AGAP1: variants seen among roughly 807,000 people sequenced by gnomAD.
AGAP1 encodes the protein arf-GAP with GTPase, ANK repeat and PH domain-containing protein 1.
Under a neutral mutation model 105.3 loss-of-function variants are expected in AGAP1, and 29 were observed. The observed-to-expected ratio is 0.28, with a 90% CI of 0.21 to 0.38. The LOEUF is 0.38. AGAP1 is among the 10% of genes least tolerant of loss of function. The pLI is 1.00. For synonymous variants in AGAP1, 509 were observed against 485.9 expected (o/e 1.05, Z -0.63); for missense variants, 998 against 1,165.1 (o/e 0.86, Z 2.09).
At chr2:235,821,979 C>A (rs886944841) in intron 9 of AGAP1, among the ~76,000 whole-genome samples, 13 of 152,234 alleles carry the variant, frequency 8.5e-5, no homozygotes, top group Admixed American at 5.9e-4. Flanking sequence ...ACCACAGAAG[C>A]CTTGCACCCT....
intron 3 of AGAP1, among the ~76,000 whole-genome samples, chr2:235,726,209 C>T (rs1951636635): frequency 6.6e-6 from 1 of 152,162 alleles, no homozygotes; most frequent in South Asian, 2.1e-4. Context: ...TCTGGGAGCG[C>T]CCTAAAGAGG....
Position 235,929,946 on chromosome 2 carries a change from T to A in AGAP1, c.1325-819T>A, listed in dbSNP as rs980108644. ...AAAACAATTGGAAGAAAATTTTTTT[T>A]AAAAAAGCCCCAGTACCTCCGAAGA... On this transcript the variant is annotated intron_variant, in intron 11 of 17. Transcript: ENST00000304032. Among the ~76,000 whole-genome samples, 16 of 152,270 alleles carry A rather than the reference T, an allele frequency of 1.1e-4. 1 individual carries two copies. Among genetic ancestry groups the A allele is most frequent in the Admixed American group, 3.3e-4 (5 of 15,306 alleles).
At chr2:235,868,932 C>A (rs1271570472) in intron 9 of AGAP1, among the ~76,000 whole-genome samples, 1 of 152,160 alleles carries the variant, frequency 6.6e-6, no homozygotes, top group African/African-American at 2.4e-5. Context: ...GAAAAGGTTC[C>A]TTGGGCTTAA....
Position 235,794,220 on chromosome 2 carries a change from T to C in AGAP1, c.674-3539T>C, listed in dbSNP as rs149850739. On this transcript the variant is annotated intron_variant, in intron 6 of 17. Coordinates refer to ENST00000304032, the MANE Select transcript of AGAP1 (RefSeq NM_001037131.3). The stretch of plus-strand genomic sequence containing the variant: ...GTTGAAGGGGCTAGTTAGAGGTATC[T>C]TTTATCTGTTAACCCAAATAAAATT... Among the ~76,000 whole-genome samples the C allele has an allele frequency of 6.2e-3, 946 of 152,300 alleles. 10 individuals are homozygous for C. The highest frequency in any genetic ancestry group is 0.021 in the African/African-American group (888 of 41,568).
rs533686156 is a variant in AGAP1, at chr2:235,611,602, A to G, written c.164-97577A>G. On this transcript the variant is annotated intron_variant, in intron 1 of 17. Coordinates refer to ENST00000304032, the MANE Select transcript of AGAP1 (RefSeq NM_001037131.3). This position sits in a 1 kb window ranked among gnomAD's most constrained non-coding sequence, Gnocchi z 5.0. ...CTGTGTAATTAGAGAATCCCTCTCC[A>G]CATGTGTTCTCTGAACAGGGAGCCC... is the stretch of plus-strand genomic sequence containing the variant. Among the ~76,000 whole-genome samples the G allele has an allele frequency of 2.0e-5, 3 of 152,212 alleles. No homozygotes were observed. The South Asian group carries it at 6.2e-4, about 32-fold the overall frequency.
Position 235,799,565 on chromosome 2 carries a change from G to A in AGAP1, c.957+43G>A. ...GTGGAGATTTGAATGCGATTCCGAA[G>A]CGTTCCCATTAACGTAAACCTGGTT... On this transcript the variant is annotated intron_variant, in intron 8 of 17. Coordinates refer to ENST00000304032, the MANE Select transcript of AGAP1 (RefSeq NM_001037131.3). This position sits in a 1 kb window ranked among gnomAD's most constrained non-coding sequence, Gnocchi z 5.0. The A allele has an allele frequency of 6.2e-7, 1 of 1,603,190 alleles. No individual in the cohort carries two copies. The highest frequency in any genetic ancestry group is 1.1e-5 in the South Asian group (1 of 90,272).
chr2:235,520,343 T>A (rs147226229), intron 1 of AGAP1, among the ~76,000 whole-genome samples: 3 of 152,322 alleles, frequency 2.0e-5, no homozygotes, highest in East Asian at 3.9e-4. Context: ...GGTGGAGACT[T>A]CTTCTGAAAC....
At chr2:235,778,453 T>G (rs1956046954) in intron 6 of AGAP1, among the ~76,000 whole-genome samples, 1 of 152,170 alleles carries the variant, frequency 6.6e-6, no homozygotes, top group African/African-American at 2.4e-5. Flanking sequence ...TCGAGGTTCT[T>G]AAGAGTCCCT....
chr2:235,712,643 C>G lies in AGAP1; in HGVS notation c.222+3406C>G, dbSNP rs1167528811. ...AGGAAGACATTGCATTCCCTTTGGCCTTGTGATGTGAAGGGCCGAGTATGG... is the reference window on the plus strand; with the variant it reads ...AGGAAGACATTGCATTCCCTTTGGCGTTGTGATGTGAAGGGCCGAGTATGG... On this transcript the variant is annotated intron_variant, in intron 2 of 17. Transcript: ENST00000304032. This position sits in a 1 kb window ranked among gnomAD's most constrained non-coding sequence, Gnocchi z 6.0. Among the ~76,000 whole-genome samples the G allele has an allele frequency of 6.6e-6, 1 of 152,218 alleles. No homozygotes were observed. The highest frequency in any genetic ancestry group is 2.4e-5 in the African/African-American group (1 of 41,460).
intron 1 of AGAP1, among the ~76,000 whole-genome samples, chr2:235,530,912 A>T (rs148836994): frequency 1.3e-5 from 2 of 152,048 alleles, no homozygotes; most frequent in African/African-American, 4.8e-5. Flanking sequence ...CTCTTCCCTC[A>T]CTGTGGGAGA....
Position 235,988,188 on chromosome 2 carries a change from G to A in AGAP1, c.1645+19565G>A, listed in dbSNP as rs902820536. Among the ~76,000 whole-genome samples the A allele has an allele frequency of 6.6e-6, 1 of 152,064 alleles. No individual in the cohort carries two copies. Among genetic ancestry groups the A allele is most frequent in the Non-Finnish European group, 1.5e-5 (1 of 68,022 alleles). ...CTCCCGAGTAGATGGGGTTAAAGGTGCCCACCACCACGCCCAGCTAATTTT... is the reference window on the plus strand; with the variant it reads ...CTCCCGAGTAGATGGGGTTAAAGGTACCCACCACCACGCCCAGCTAATTTT... On this transcript the variant is annotated intron_variant, in intron 13 of 17. Transcript: ENST00000304032. This position sits in a 1 kb window ranked among gnomAD's most constrained non-coding sequence, Gnocchi z 4.7.
rs1305382207 is a variant in AGAP1 at position 235,703,368 on chromosome 2, C to T, written c.164-5811C>T. 2.0e-5 allele frequency among the ~76,000 whole-genome samples: 3 copies of T among 152,074 alleles called. No individual in the cohort carries two copies. The East Asian group carries it at 5.8e-4, about 29-fold the overall frequency. The stretch of plus-strand genomic sequence containing the variant: ...CCTGTCTCTGAGCGGGAGCATCCTC[C>T]CCCGGCTGTGGCACCTGGGCAACGG... On this transcript the variant is annotated intron_variant, in intron 1 of 17. Coordinates refer to ENST00000304032, the MANE Select transcript of AGAP1 (RefSeq NM_001037131.3).
chr2:235,920,315 T>C (rs565662882), intron 11 of AGAP1, among the ~76,000 whole-genome samples: 1 of 152,308 alleles, frequency 6.6e-6, no homozygotes, highest in African/African-American at 2.4e-5. Flanking sequence ...CCACATGATA[T>C]CCACTCCCAA....
intron 2 of AGAP1, among the ~76,000 whole-genome samples, chr2:235,713,440 G>A (rs1378650452): frequency 6.6e-6 from 1 of 152,246 alleles, no homozygotes; most frequent in Non-Finnish European, 1.5e-5. Context: ...CTCACCAGCA[G>A]TGCAGTCATG....
At chr2:235,653,319 C>T (rs976013895) in intron 1 of AGAP1, among the ~76,000 whole-genome samples, 1 of 151,650 alleles carries the variant, frequency 6.6e-6, no homozygotes, top group Non-Finnish European at 1.5e-5. Flanking sequence ...AAAAAATTAG[C>T]CTGGTGTGGT....
intron 6 of AGAP1, among the ~76,000 whole-genome samples, chr2:235,770,356 C>T (rs1295598412): frequency 6.6e-6 from 1 of 151,978 alleles, no homozygotes; most frequent in African/African-American, 2.4e-5. Flanking sequence ...AGGATGGTCT[C>T]GATCTCCTGA....
At chr2:235,616,417 C>CT (rs1397924532) in intron 1 of AGAP1, among the ~76,000 whole-genome samples, 1 of 150,788 alleles carries the variant, frequency 6.6e-6, no homozygotes, top group Non-Finnish European at 1.5e-5. Context: ...GTGTTAAAAA[C>CT]AAAGGCCCAG....
At position 235,908,733 on chromosome 2, in the gene AGAP1, A is replaced by G. The variant is rs1231531785; in HGVS notation, c.1156-5A>G. ...TCTCTCTTGGATGTTTAACATTTTC[A>G]ACAGGATTACATGCAGAATGTTCAT... is the stretch of plus-strand genomic sequence containing the variant. On this transcript the variant is annotated splice_region_variant and splice_polypyrimidine_tract_variant and intron_variant, in intron 10 of 17. Transcript: ENST00000304032. The surrounding 1 kb of genome is among the most constrained non-coding windows in gnomAD (Gnocchi z 4.4). 2 of 1,590,060 alleles carry G rather than the reference A, an allele frequency of 1.3e-6. No individual in the cohort carries two copies. The highest frequency in any genetic ancestry group is 1.4e-5 in the African/African-American group (1 of 73,168).
chr2:235,644,335 C>G (rs972519290), intron 1 of AGAP1, among the ~76,000 whole-genome samples: 1 of 152,202 alleles, frequency 6.6e-6, no homozygotes, highest in Non-Finnish European at 1.5e-5. Context: ...CGTTCACTGT[C>G]ATGTGGCCTC....
Sources: gnomAD v4.1 joint callset for allele counts (sites outside exome capture counted in the v4.1 genomes callset) on GRCh38, gnomAD v4.1.1 for gene constraint, Gnocchi (gnomAD v3.1) non-coding constraint, MANE v1.5 for transcripts, NCBI Gene and HGNC (gene_info 2026-07-23, HGNC 2026-07-21) for gene names.